YLPM1: variants seen among roughly 807,000 people sequenced by gnomAD.
YLPM1 encodes the protein YLP motif containing 1, also known as YLP motif-containing protein 1.
In YLPM1, 99 loss-of-function variants were observed where a neutral mutation model predicts 230.0. The observed-to-expected ratio is 0.43, with a 90% confidence interval of 0.37 to 0.51. The LOEUF (loss-of-function observed/expected upper bound fraction) is 0.51, where lower values mean the gene tolerates loss of function less well. YLPM1 is among the 20% of genes least tolerant of loss of function. The pLI is 0.00. For missense variants in YLPM1, 2,592 were observed against 2,707.7 expected (o/e 0.96, Z 0.95); for synonymous variants, 984 against 942.5 (o/e 1.04, Z -0.81).
At chr14:74,784,940 C>T (rs183466575) in intron 4 of YLPM1, among the ~76,000 whole-genome samples, 15 of 152,284 alleles carry the variant, frequency 9.9e-5, no homozygotes, top group Admixed American at 9.8e-4. Context: ...TGAACACTTA[C>T]TTCAGATGCA....
chr14:74,827,461 T>G (rs1566767679), intron 18 of YLPM1: 7 of 985,252 alleles, frequency 7.1e-6, no homozygotes, highest in Non-Finnish European at 8.4e-6. Flanking sequence ...ATTAAACATT[T>G]CAAAAAGGGT....
In YLPM1 at chr14:74,817,246, T is replaced by A; in HGVS notation, c.5915T>A (p.Ile1972Asn). ...AACCAGACTTGTGGCAAGAGAAATA[T>A]TCATGGAAGAAAGCTTAAAGAAATA... ...ADNQTCGKRN[I>N]HGRKLKEINK... is the part of the protein sequence containing the mutation. The change falls in exon 15 of 21, where the codon ATT becomes AAT. Residue 1972 changes from isoleucine (I) to asparagine (N), a missense_variant. Ile to Asn is a moderately radical substitution (Grantham distance 149). Coordinates refer to ENST00000325680, the MANE Select transcript of YLPM1 (RefSeq NM_019589.3). The A allele has an allele frequency of 6.3e-7, 1 of 1,597,672 alleles. No homozygotes were observed. The highest frequency in any genetic ancestry group is 1.3e-5 in the African/African-American group (1 of 74,748).
At chr14:74,770,624 C>T (rs1011295431) in intron 1 of YLPM1, among the ~76,000 whole-genome samples, 4 of 128,926 alleles carry the variant, frequency 3.1e-5, no homozygotes, top group African/African-American at 7.4e-5. Flanking sequence ...GACTCCATCT[C>T]AGTTAAAAAA....
chr14:74,770,707 C>G (rs1040294319), intron 1 of YLPM1, among the ~76,000 whole-genome samples: 6 of 152,016 alleles, frequency 3.9e-5, no homozygotes, highest in African/African-American at 7.2e-5. Context: ...ACTGAAAGCT[C>G]AGGGTGAGGA....
Position 74,764,236 on chromosome 14 carries a change from A to C in YLPM1, c.747A>C (p.Pro249=). ...HSKSQLLAPP[P]PSAPPGNKTT... is the part of the protein sequence containing the mutation. ...AATCCCAACTACTAGCTCCACCACC[A>C]CCGTCCGCCCCCCCTGGAAATAAGA... is the stretch of plus-strand genomic sequence containing the variant. Residue 249 remains proline, a synonymous_variant, in exon 1 of 21, where the codon CCA becomes CCC. Transcript: ENST00000325680. 1 of 1,611,210 alleles carries C rather than the reference A, an allele frequency of 6.2e-7. No homozygotes were observed. Among genetic ancestry groups the C allele is most frequent in the Non-Finnish European group, 8.5e-7 (1 of 1,179,054 alleles).
intron 19 of YLPM1, among the ~76,000 whole-genome samples, chr14:74,832,630 C>T (rs1032682388): frequency 2.3e-4 from 35 of 151,924 alleles, no homozygotes; most frequent in Non-Finnish European, 4.6e-4. Flanking sequence ...CCACCACGTC[C>T]GGCTAATTTT....
At position 74,782,147 on chromosome 14, in the gene YLPM1, GCTC is replaced by G; in HGVS notation, c.2107_2109del (p.Pro703del). 4.3e-6 allele frequency: 7 copies of G among 1,613,326 alleles called. No homozygotes were observed. The highest frequency in any genetic ancestry group is 5.9e-6 in the Non-Finnish European group (7 of 1,179,808). ...TCCATCAGAACAAGTGAATTCAAAA[GCTC>G]CTTTGAGCAAGTCTGCTCTGCCATA... On this transcript the variant is annotated inframe_deletion, in exon 4 of 21. Transcript: ENST00000325680.
In YLPM1 at chr14:74,769,259, CTTTTTTTTTTTTTTTTT is replaced by C. The variant is rs34023289; in HGVS notation, c.873+4910_873+4926del. ...CCGGCTAATTTTTTTGTATTTTTAT[CTTTTTTTTTTTTTTTTT>C]TTTTTTTTTTTTGGAGACGAAGTCT... On this transcript the variant is annotated intron_variant, in intron 1 of 20. Coordinates refer to ENST00000325680, the MANE Select transcript of YLPM1 (RefSeq NM_019589.3). Among the ~76,000 whole-genome samples the C allele has an allele frequency of 2.0e-3, 75 of 38,416 alleles. 1 individual carries two copies. The highest frequency in any genetic ancestry group is 5.0e-3 in the African/African-American group (68 of 13,610). The allele number at this position is 38,416 out of a possible 152,430, so 25.2% of individuals were successfully genotyped here.
At position 74,764,043 on chromosome 14, in the gene YLPM1, C is replaced by T; in HGVS notation, c.554C>T (p.Pro185Leu). Residue 185 changes from proline to leucine, a missense_variant, in exon 1 of 21, where the codon CCT becomes CTT. Physicochemically the swap from Pro to Leu is moderately conservative, Grantham distance 98 (BLOSUM62 -3). This residue lies in a region of YLPM1 where 1,862 missense variants were observed against 1,819.8 expected (regional missense o/e 1.02). Coordinates refer to ENST00000325680, the MANE Select transcript of YLPM1 (RefSeq NM_019589.3). Reference sequence around the variant, plus strand: ...CCGACCTCATCTCAGCCCTACCTGCCTCCTGCTCAGCCGTCCCCTTCGCAG... The same window carrying T: ...CCGACCTCATCTCAGCCCTACCTGCTTCCTGCTCAGCCGTCCCCTTCGCAG... ...YPPTSSQPYLPPAQPSPSQSP... is the reference protein window; with the variant it reads ...YPPTSSQPYLLPAQPSPSQSP... 6.2e-7 allele frequency: 1 copy of T among 1,612,558 alleles called. No individual in the cohort carries two copies. Among genetic ancestry groups the T allele is most frequent in the East Asian group, 2.2e-5 (1 of 44,786 alleles).
intron 6 of YLPM1, 53 bp downstream of exon 6, chr14:74,802,729 C>G: frequency 1.3e-6 from 2 of 1,489,934 alleles, no homozygotes; most frequent in Non-Finnish European, 1.8e-6. Context: ...TTGTATGTTT[C>G]TATGTTGTTT....
At chr14:74,835,094 CT>C (rs2140149942) in intron 19 of YLPM1, 170 bp from the exon 20 acceptor site, 1 of 802,506 alleles carries the variant, frequency 1.2e-6, no homozygotes, top group Admixed American at 3.2e-5. Flanking sequence ...AGAGTTTTCT[CT>C]TTGTGACTTA....
chr14:74,795,220 T>A lies in YLPM1; in HGVS notation c.2283-2360T>A, dbSNP rs2270426. ...CCAGTGAATACAGTAACCCTCTCCA[T>A]TGCCTCTTGATTTGGAACTTCAGAG... On this transcript the variant is annotated intron_variant, in intron 4 of 20. Coordinates refer to ENST00000325680, the MANE Select transcript of YLPM1 (RefSeq NM_019589.3). Among the ~76,000 whole-genome samples the A allele has an allele frequency of 1.3e-3, 197 of 152,304 alleles. 4 individuals are homozygous for A. The East Asian group carries it at 0.036, about 28-fold the overall frequency.
In YLPM1 at chr14:74,788,212, C is replaced by G. The variant is rs578227013; in HGVS notation, c.2282+5887C>G. On this transcript the variant is annotated intron_variant, in intron 4 of 20. Transcript: ENST00000325680. ...CTCAGCTCACTACAAGCTCCACCTCCCAGGTTCACGCCATTCTCCTGCTTC... is the reference window on the plus strand; with the variant it reads ...CTCAGCTCACTACAAGCTCCACCTCGCAGGTTCACGCCATTCTCCTGCTTC... Among the ~76,000 whole-genome samples, 5 of 152,116 alleles carry G rather than the reference C, an allele frequency of 3.3e-5. No individual in the cohort carries two copies. In the East Asian group the frequency reaches 5.8e-4, roughly 18 times the overall value.
At position 74,798,462 on chromosome 14, in the gene YLPM1, A is replaced by G. The variant is rs764395735; in HGVS notation, c.3165A>G (p.Glu1055=). The G allele has an allele frequency of 8.1e-6, 13 of 1,613,952 alleles. No homozygotes were observed. Among genetic ancestry groups the G allele is most frequent in the Admixed American group, 1.7e-5 (1 of 60,016 alleles). The change falls in exon 5 of 21, where the codon GAA becomes GAG. Residue 1055 remains glutamate, a synonymous_variant. Transcript: ENST00000325680. The part of the protein sequence containing the change: ...ISRGPGLVKQ[E]DFRDKMMGRR... ...GAGGCCCAGGATTGGTCAAGCAAGA[A>G]GACTTTCGGGATAAGATGATGGGTA...
intron 6 of YLPM1, 131 bp downstream of exon 6, chr14:74,802,807 G>C (rs1381503004): frequency 1.7e-6 from 2 of 1,186,350 alleles, no homozygotes; most frequent in African/African-American, 3.1e-5. Flanking sequence ...AAACTTAAAA[G>C]TTTATGGTAA....
intron 4 of YLPM1, among the ~76,000 whole-genome samples, chr14:74,786,878 C>T (rs1418383377): frequency 6.6e-6 from 1 of 152,184 alleles, no homozygotes; most frequent in Non-Finnish European, 1.5e-5. Context: ...TATTGTTAAA[C>T]ATTTTTCCAA....
intron 1 of YLPM1, 65 bp downstream of exon 1, chr14:74,764,427 G>C: frequency 6.8e-7 from 1 of 1,476,454 alleles, no homozygotes; most frequent in Non-Finnish European, 9.0e-7. Flanking sequence ...AGGCCTCAGG[G>C]CTTTAACCAG....
chr14:74,768,976 T>C (rs890161567), intron 1 of YLPM1, among the ~76,000 whole-genome samples: 1 of 152,080 alleles, frequency 6.6e-6, no homozygotes, highest in African/African-American at 2.4e-5. Flanking sequence ...AACAAATATA[T>C]TTTAAATAAT....
Position 74,798,318 on chromosome 14 carries a change from T to C in YLPM1, c.3021T>C (p.Asp1007=). The part of the protein sequence containing the change: ...DKGLPRPDNR[D]NRLEGNRGNS... ...GCCTGCCTCGGCCAGATAATAGAGA[T>C]AATAGATTAGAAGGCAATAGAGGCA... The change falls in exon 5 of 21, where the codon GAT becomes GAC. Residue 1007 remains aspartate, a synonymous_variant. Coordinates refer to ENST00000325680, the MANE Select transcript of YLPM1 (RefSeq NM_019589.3). The C allele has an allele frequency of 6.2e-7, 1 of 1,613,748 alleles. No individual in the cohort carries two copies. Among genetic ancestry groups the C allele is most frequent in the Non-Finnish European group, 8.5e-7 (1 of 1,179,848 alleles).
Sources: allele counts gnomAD v4.1 joint callset (sites outside exome capture counted in the v4.1 genomes callset), GRCh38; gene constraint gnomAD v4.1.1; regional missense constraint gnomAD v4.1.1; transcripts MANE v1.5; gene names NCBI Gene and HGNC (gene_info 2026-07-23, HGNC 2026-07-21).